VWDE: variants seen among roughly 807,000 people sequenced by gnomAD.
The protein encoded by VWDE is von Willebrand factor D and EGF domains.
VWDE carries 207 observed loss-of-function variants against 178.4 expected under a neutral mutation model. The observed-to-expected ratio is 1.16, with a 90% confidence interval of 1.04 to 1.30. The LOEUF (loss-of-function observed/expected upper bound fraction) is 1.30. VWDE is among the 50% of genes most tolerant of loss of function. The pLI is 0.00. For synonymous variants in VWDE, 738 were observed against 651.4 expected, an observed-to-expected ratio of 1.13 and a Z score of -2.02; for missense variants, 2,287 against 1,901.3, an observed-to-expected ratio of 1.20 and a Z score of -3.77.
At chr7:12,394,609 G>T (rs1452910371) in intron 1 of VWDE, among the ~76,000 whole-genome samples, 2 of 152,064 alleles carry the variant, frequency 1.3e-5, no homozygotes, top group African/African-American at 4.8e-5. Flanking sequence ...CTTGTTTGAG[G>T]CTCCTGTGCT....
At chr7:12,346,219 A>G (rs1781589259) in intron 19 of VWDE, among the ~76,000 whole-genome samples, 1 of 152,170 alleles carries the variant, frequency 6.6e-6, no homozygotes, top group Non-Finnish European at 1.5e-5. Flanking sequence ...TTTCATTAAG[A>G]TTTTGAAATG....
At chr7:12,394,900 C>T (rs564300853) in intron 1 of VWDE, among the ~76,000 whole-genome samples, 1 of 152,022 alleles carries the variant, frequency 6.6e-6, no homozygotes, top group East Asian at 1.9e-4. Flanking sequence ...AAATCAATTT[C>T]TCAACTTTAA....
In VWDE at chr7:12,370,226, A is replaced by C; in HGVS notation, c.2080T>G (p.Leu694Val). 1 of 1,551,132 alleles carries C rather than the reference A, an allele frequency of 6.4e-7. No individual in the cohort carries two copies. Among genetic ancestry groups the C allele is most frequent in the South Asian group, 1.2e-5 (1 of 84,014 alleles). The stretch of plus-strand genomic sequence containing the variant: ...ATGTGTTTTTTTTCTTGCAGAAATA[A>C]ATTTAGATTATATTCTTCTGGAGAT... ...HTSPEEYNLN[L>V]FLQEKKHINL... The change falls in exon 12 of 29, where the codon TTA becomes GTA. Residue 694 changes from leucine (L) to valine (V), a missense_variant. Transcript: ENST00000275358.
Position 12,348,582 on chromosome 7 carries a change from A to G in VWDE, c.3886+2991T>C, listed in dbSNP as rs865991012. On this transcript the variant is annotated intron_variant, in intron 19 of 28. Transcript: ENST00000275358. Reference sequence around the variant, plus strand: ...ATTAAAAAGTCAGGAAACAACAGGTACTGGAGAGGATGTGGAGAAATAGGA... The same window carrying G: ...ATTAAAAAGTCAGGAAACAACAGGTGCTGGAGAGGATGTGGAGAAATAGGA... Among the ~76,000 whole-genome samples the G allele has an allele frequency of 6.3e-3, 952 of 150,248 alleles. 5 individuals carry two copies. Among genetic ancestry groups the G allele is most frequent in the Middle Eastern group, 0.017 (5 of 288 alleles).
Position 12,403,804 on chromosome 7 carries a change from C to T in VWDE, c.-88G>A. On this transcript the variant is annotated 5_prime_UTR_variant, in exon 1 of 29. Transcript: ENST00000275358. ...GGGGCCACAGCAGCCCCTCGGGCCT[C>T]CTTTCTTGGATTTTCTCAGTCTGTT... is the stretch of plus-strand genomic sequence containing the variant. The T allele has an allele frequency of 7.1e-7, 1 of 1,400,328 alleles. No homozygotes were observed. The highest frequency in any genetic ancestry group is 1.3e-5 in the South Asian group (1 of 78,410). The allele number at this position is 1,400,328 out of a possible 1,614,324, so 86.7% of individuals were successfully genotyped here.
At position 12,370,202 on chromosome 7, in the gene VWDE, T is replaced by C. The variant is rs1196811608; in HGVS notation, c.2104A>G (p.Ile702Val). The change falls in exon 12 of 29, where the codon ATA (isoleucine) becomes GTA (valine). Residue 702 changes from isoleucine to valine, a missense_variant. Transcript: ENST00000275358. ...LNLFLQEKKHINLTKLGLNVQ... is the reference protein window; with the variant it reads ...LNLFLQEKKHVNLTKLGLNVQ... ...TTTAAGCCGAGTTTAGTCAGGTTTATGTGTTTTTTTTCTTGCAGAAATAAA... is the reference window on the plus strand; with the variant it reads ...TTTAAGCCGAGTTTAGTCAGGTTTACGTGTTTTTTTTCTTGCAGAAATAAA... 40 of 1,551,296 alleles carry C rather than the reference T, an allele frequency of 2.6e-5. 1 individual carries two copies. Among genetic ancestry groups the C allele is most frequent in the African/African-American group, 1.4e-4 (10 of 73,094 alleles).
chr7:12,371,620 CTG>C (rs1400558068), intron 10 of VWDE, among the ~76,000 whole-genome samples: 4 of 152,046 alleles, frequency 2.6e-5, no homozygotes, highest in African/African-American at 9.7e-5. Flanking sequence ...CAAAAATGGT[CTG>C]TGTTAGTTAC....
chr7:12,392,916 A>G (rs909070315), intron 2 of VWDE, among the ~76,000 whole-genome samples: 2 of 152,100 alleles, frequency 1.3e-5, no homozygotes, highest in African/African-American at 4.8e-5. Context: ...ATTCACAAGT[A>G]TAAAGAAAAA....
chr7:12,390,667 C>T (rs1286914260), intron 2 of VWDE, among the ~76,000 whole-genome samples: 4 of 151,090 alleles, frequency 2.6e-5, no homozygotes, highest in Non-Finnish European at 4.4e-5. Context: ...TAATATTATC[C>T]ATTTAAAAAC....
rs780071895 is a variant in VWDE at position 12,357,261 on chromosome 7, T to C, written c.3525+4A>G. On this transcript the variant is annotated splice_donor_region_variant and intron_variant, in intron 17 of 28. Coordinates refer to ENST00000275358, the MANE Select transcript of VWDE (RefSeq NM_001135924.3). ...AGTGGCACTTATGTAATTATAAAGA[T>C]TACCTCAATCGTGACTCTAGTTTCA... 3 of 1,551,104 alleles carry C rather than the reference T, an allele frequency of 1.9e-6. No homozygotes were observed. The highest frequency in any genetic ancestry group is 2.6e-6 in the Non-Finnish European group (3 of 1,146,218).
intron 19 of VWDE, among the ~76,000 whole-genome samples, chr7:12,348,789 T>C (rs78578062): frequency 0.66 from 98,320 of 148,896 alleles, 34,115 homozygotes; most frequent in African/African-American, 0.9. Context: ...ATGTTTATTG[T>C]GGCATTATTC....
At chr7:12,359,073 T>C (rs1018220699) in intron 16 of VWDE, among the ~76,000 whole-genome samples, 3 of 152,214 alleles carry the variant, frequency 2.0e-5, no homozygotes, top group African/African-American at 7.2e-5. Context: ...TTTGGACACC[T>C]ATATGGAACC....
intron 2 of VWDE, among the ~76,000 whole-genome samples, chr7:12,392,511 C>T (rs1030685552): frequency 2.0e-5 from 3 of 151,984 alleles, no homozygotes; most frequent in African/African-American, 4.8e-5. Context: ...TGAATGGGGA[C>T]TATGAACGAA....
intron 12 of VWDE, among the ~76,000 whole-genome samples, chr7:12,367,733 T>C (rs1782939741): frequency 6.6e-6 from 1 of 152,002 alleles, no homozygotes; most frequent in African/African-American, 2.4e-5. Flanking sequence ...AATCACAGGT[T>C]TCACTAATGT....
chr7:12,355,467 T>G (rs1420159860), intron 18 of VWDE, among the ~76,000 whole-genome samples: 1 of 151,740 alleles, frequency 6.6e-6, no homozygotes, highest in African/African-American at 2.4e-5. Context: ...AATATTCTGC[T>G]CAGTTCTACT....
chr7:12,369,904 A>C lies in VWDE; in HGVS notation c.2402T>G (p.Leu801Arg). The C allele has an allele frequency of 6.4e-7, 1 of 1,551,506 alleles. No individual in the cohort carries two copies. The highest frequency in any genetic ancestry group is 8.7e-7 in the Non-Finnish European group (1 of 1,146,894). ...GAGGGTCAAGGTGCTATACTCGGTG[A>C]GGCCAGAGGGAGTGGGCCAAGAGGG... ...FFPSWPTPSG[L>R]TEYSTLTLCQ... Residue 801 changes from leucine (L) to arginine (R), a missense_variant, in exon 12 of 29, where the codon CTC becomes CGC. By Grantham distance (102) the Leu-to-Arg change is moderately radical (BLOSUM62 -2). Transcript: ENST00000275358.
At chr7:12,380,242 T>TA (rs1379866675) in intron 5 of VWDE, among the ~76,000 whole-genome samples, 6 of 150,880 alleles carry the variant, frequency 4.0e-5, no homozygotes, top group African/African-American at 1.5e-4. Flanking sequence ...AATATATATA[T>TA]AAAAAAGGAT....
intron 16 of VWDE, among the ~76,000 whole-genome samples, chr7:12,358,203 C>G (rs1782369450): frequency 6.6e-6 from 1 of 151,966 alleles, no homozygotes; most frequent in African/African-American, 2.4e-5. Context: ...ATGGTGAAAC[C>G]CTGTCTCTAC....
At chr7:12,360,867 G>A (rs1029046697) in intron 15 of VWDE, among the ~76,000 whole-genome samples, 2 of 152,094 alleles carry the variant, frequency 1.3e-5, no homozygotes, top group African/African-American at 4.8e-5. Context: ...TATTACTACT[G>A]AAAAAACAAT....
Sources: allele counts gnomAD v4.1 joint callset (sites outside exome capture counted in the v4.1 genomes callset), GRCh38; gene constraint gnomAD v4.1.1; transcripts MANE v1.5; gene names NCBI Gene and HGNC (gene_info 2026-07-23, HGNC 2026-07-21).